NYAP2: variants seen among roughly 807,000 people sequenced by gnomAD.
NYAP2 encodes the protein neuronal tyrosine-phosphorylated phosphoinositide-3-kinase adapter 2.
A neutral mutation model predicts 50.4 loss-of-function variants in NYAP2; 23 were observed. That is an observed-to-expected ratio of 0.46 (90% CI 0.33 to 0.65). NYAP2 has a LOEUF of 0.65. Ranked by LOEUF, NYAP2 falls within the 30% of genes least tolerant of loss-of-function variation. NYAP2 has a pLI of 0.02. For synonymous variants in NYAP2, 394 were observed against 365.2 expected (o/e 1.08, Z -0.90); for missense variants, 885 against 861.0 (o/e 1.03, Z -0.35).
intron 4 of NYAP2, among the ~76,000 whole-genome samples, chr2:225,572,118 T>G (rs1692083742): frequency 6.6e-6 from 1 of 152,218 alleles, no homozygotes; most frequent in African/African-American, 2.4e-5. Flanking sequence ...ACTATCAGCA[T>G]TTGGGTCAAA....
intron 4 of NYAP2, among the ~76,000 whole-genome samples, chr2:225,569,716 C>T (rs956666411): frequency 6.6e-6 from 1 of 152,140 alleles, no homozygotes; most frequent in African/African-American, 2.4e-5. Flanking sequence ...TATAGATGAA[C>T]AAACAGGTTA....
At chr2:225,429,610 A>G (rs1695336905) in intron 3 of NYAP2, among the ~76,000 whole-genome samples, 1 of 152,230 alleles carries the variant, frequency 6.6e-6, no homozygotes, top group Non-Finnish European at 1.5e-5. Flanking sequence ...ACTGAGGTTA[A>G]TATATTTATT....
chr2:225,502,853 A>G (rs1690631302), intron 3 of NYAP2, among the ~76,000 whole-genome samples: 1 of 152,226 alleles, frequency 6.6e-6, no homozygotes, highest in Non-Finnish European at 1.5e-5. Flanking sequence ...AGAGCCAGTG[A>G]CTTTCTGAGG....
At chr2:225,654,286 C>T (rs536914586), downstream of NYAP2, among the ~76,000 whole-genome samples, 23 of 152,234 alleles carry the variant, frequency 1.5e-4, no homozygotes, top group East Asian at 1.5e-3. Flanking sequence ...AAGCAGTTTT[C>T]GCAACACCAA....
chr2:225,470,106 G>A (rs1689988829), intron 3 of NYAP2, among the ~76,000 whole-genome samples: 1 of 152,292 alleles, frequency 6.6e-6, no homozygotes, highest in East Asian at 1.9e-4. Flanking sequence ...TATCTATTAA[G>A]CAATACATAA....
At position 225,477,186 on chromosome 2, in the gene NYAP2, G is replaced by A. The variant is rs372377458; in HGVS notation, c.222-36185G>A. 5.9e-5 allele frequency among the ~76,000 whole-genome samples: 8 copies of A among 135,324 alleles called. No homozygotes were observed. The East Asian group carries it at 9.7e-4, about 16-fold the overall frequency. 88.8% of individuals were successfully genotyped at this position (135,324 alleles called of 152,430 possible). On this transcript the variant is annotated intron_variant, in intron 3 of 6. Coordinates refer to ENST00000636099, the Ensembl canonical transcript of NYAP2. Reference sequence around the variant, plus strand: ...TGCATGTAAATCACATGGGCATCTTGTTAAAAGGCAGATTCTGATTTAGCA... The same window carrying A: ...TGCATGTAAATCACATGGGCATCTTATTAAAAGGCAGATTCTGATTTAGCA...
At chr2:225,658,092 T>C (rs931826197), downstream of NYAP2, among the ~76,000 whole-genome samples, 7 of 152,206 alleles carry the variant, frequency 4.6e-5, no homozygotes, top group African/African-American at 1.7e-4. Flanking sequence ...TGTATGCTCA[T>C]GATTACACCA....
At position 225,495,988 on chromosome 2, in the gene NYAP2, A is replaced by T. The variant is rs569523105; in HGVS notation, c.222-17383A>T. On this transcript the variant is annotated intron_variant, in intron 3 of 6. Coordinates refer to ENST00000636099, the Ensembl canonical transcript of NYAP2. ...TTGACACACCTGTGCTCATCACATT[A>T]CCACTTCAAGGATAAGCATGTTGAA... is the stretch of plus-strand genomic sequence containing the variant. Among the ~76,000 whole-genome samples, 5 of 152,326 alleles carry T rather than the reference A, an allele frequency of 3.3e-5. No homozygotes were observed. In the East Asian group the frequency reaches 7.7e-4, roughly 23 times the overall value.
chr2:225,549,771 C>T (rs1691640189), intron 4 of NYAP2, among the ~76,000 whole-genome samples: 2 of 151,992 alleles, frequency 1.3e-5, no homozygotes, highest in African/African-American at 2.4e-5. Context: ...CACCTGAGGT[C>T]AGGAGTTCAA....
chr2:225,479,802 A>G (rs1258633576), intron 3 of NYAP2, among the ~76,000 whole-genome samples: 1 of 152,142 alleles, frequency 6.6e-6, no homozygotes. Flanking sequence ...AAAAACATCT[A>G]AATTTTTTTC....
At chr2:225,583,822 C>T (rs1170345483) in intron 5 of NYAP2, among the ~76,000 whole-genome samples, 4 of 152,262 alleles carry the variant, frequency 2.6e-5, no homozygotes, top group Admixed American at 6.5e-5. Context: ...GGTCAGATCA[C>T]GAGGCCAGGC....
At chr2:225,591,468 A>G (rs1559224110) in intron 5 of NYAP2, among the ~76,000 whole-genome samples, 1 of 152,182 alleles carries the variant, frequency 6.6e-6, no homozygotes, top group Non-Finnish European at 1.5e-5. Flanking sequence ...AGTGGTAAGG[A>G]TGTGGAAGAA....
At chr2:225,468,500 G>A (rs13396211) in intron 3 of NYAP2, among the ~76,000 whole-genome samples, 65,523 of 152,074 alleles carry the variant, frequency 0.43, 17,310 homozygotes, top group African/African-American at 0.75. Context: ...ACAAACAAGT[G>A]GGGAAAGAAA....
chr2:225,456,318 AG>A (rs1280957650), intron 3 of NYAP2, among the ~76,000 whole-genome samples: 1 of 152,182 alleles, frequency 6.6e-6, no homozygotes, highest in African/African-American at 2.4e-5. Flanking sequence ...TGATAGTTCA[AG>A]ATCTGATACT....
chr2:225,415,467 G>A (rs2106123361), intron 3 of NYAP2, among the ~76,000 whole-genome samples: 1 of 152,206 alleles, frequency 6.6e-6, no homozygotes, highest in Non-Finnish European at 1.5e-5. Context: ...TACACAGAGA[G>A]CTCTTATTAG....
At chr2:225,539,332 A>G (rs992546874) in intron 4 of NYAP2, among the ~76,000 whole-genome samples, 9 of 152,228 alleles carry the variant, frequency 5.9e-5, no homozygotes, top group Non-Finnish European at 1.2e-4. Flanking sequence ...TTATAGTAGA[A>G]TGATTTATAA....
At chr2:225,402,153 T>C (rs1170946519) in intron 2 of NYAP2, among the ~76,000 whole-genome samples, 5 of 151,966 alleles carry the variant, frequency 3.3e-5, no homozygotes, top group Admixed American at 2.6e-4. Context: ...GTGAAGGACA[T>C]AGACAGTTTA....
At chr2:225,507,431 C>A (rs1405702564) in intron 3 of NYAP2, among the ~76,000 whole-genome samples, 2 of 152,168 alleles carry the variant, frequency 1.3e-5, no homozygotes, top group African/African-American at 4.8e-5. Context: ...AGACAAGGAA[C>A]AAACTGTGGT....
intron 3 of NYAP2, among the ~76,000 whole-genome samples, chr2:225,428,051 G>A (rs1277223948): frequency 6.6e-6 from 1 of 152,088 alleles, no homozygotes; most frequent in East Asian, 1.9e-4. Flanking sequence ...GGATTTGGAG[G>A]ATCTGATGGG....
Sources: allele counts gnomAD v4.1 joint callset (sites outside exome capture counted in the v4.1 genomes callset), GRCh38; gene constraint gnomAD v4.1.1; transcripts MANE v1.5; gene names NCBI Gene and HGNC (gene_info 2026-07-23, HGNC 2026-07-21).